The following KCNN2 variants were observed in gnomAD, a reference collection of about 807,000 sequenced individuals.
KCNN2 encodes the protein small conductance calcium-activated potassium channel protein 2.
A neutral mutation model predicts 55.5 loss-of-function variants in KCNN2; 24 were observed. The ratio of observed to expected loss-of-function variants is 0.43; its 90% CI spans 0.31 to 0.61. KCNN2 has a LOEUF of 0.61. Ranked by LOEUF, KCNN2 falls within the 20% of genes least tolerant of loss-of-function variation. The pLI is 0.08. For synonymous variants in KCNN2, 431 were observed against 336.1 expected (o/e 1.28, Z -3.09); for missense variants, 754 against 853.6 (o/e 0.88, Z 1.45).
intron 3 of KCNN2, among the ~76,000 whole-genome samples, chr5:114,428,262 A>G (rs1759686467): frequency 6.6e-6 from 1 of 152,192 alleles, no homozygotes; most frequent in Non-Finnish European, 1.5e-5. Context: ...AGAATAATGA[A>G]TGTATGTGTT....
chr5:114,425,857 C>T (rs1759607097), intron 3 of KCNN2, among the ~76,000 whole-genome samples: 1 of 151,998 alleles, frequency 6.6e-6, no homozygotes, highest in East Asian at 1.9e-4. Context: ...TGGTCAGGTC[C>T]CCACCAGCAG....
At chr5:114,158,071 C>T (rs1752678135) in intron 1 of KCNN2, among the ~76,000 whole-genome samples, 1 of 152,140 alleles carries the variant, frequency 6.6e-6, no homozygotes. Context: ...GACATGAAGT[C>T]CTTGCCCATG....
intron 4 of KCNN2, among the ~76,000 whole-genome samples, chr5:114,465,037 T>G (rs1198647408): frequency 6.6e-6 from 1 of 152,158 alleles, no homozygotes; most frequent in African/African-American, 2.4e-5. Flanking sequence ...AGAAACAACT[T>G]CCTTAGTGTT....
At chr5:114,189,570 T>TA (rs1485454799) in intron 1 of KCNN2, among the ~76,000 whole-genome samples, 4 of 152,284 alleles carry the variant, frequency 2.6e-5, no homozygotes, top group African/African-American at 9.6e-5. Flanking sequence ...AATTAACACA[T>TA]AAATACATAA....
chr5:114,323,649 A>ATTTGTTTTTTTTTTTTTTT (rs1756656082), intron 2 of KCNN2, among the ~76,000 whole-genome samples: 2 of 85,318 alleles, frequency 2.3e-5, no homozygotes, highest in Non-Finnish European at 4.5e-5. Flanking sequence ...AAACATATCA[A>ATTTGTTTTTTTTTTTTTTT]TTTTTTTTTT....
intron 2 of KCNN2, among the ~76,000 whole-genome samples, chr5:114,254,783 C>T (rs1754948929): frequency 6.6e-6 from 1 of 152,070 alleles, no homozygotes; most frequent in African/African-American, 2.4e-5. Flanking sequence ...TCTCCTGAAG[C>T]TGTAACTTAA....
chr5:114,418,884 A>G (rs930713863), intron 3 of KCNN2, among the ~76,000 whole-genome samples: 2 of 152,132 alleles, frequency 1.3e-5, no homozygotes, highest in South Asian at 4.2e-4. Context: ...ATTCCCACCA[A>G]CTGCCTCTGG....
chr5:114,399,086 AG>A (rs751520559), intron 2 of KCNN2, among the ~76,000 whole-genome samples: 2 of 152,166 alleles, frequency 1.3e-5, no homozygotes, highest in Non-Finnish European at 2.9e-5. Context: ...TGTGTTGAAT[AG>A]GAGTGGTAAG....
chr5:114,091,937 A>G (rs903102290), intron 1 of KCNN2, among the ~76,000 whole-genome samples: 4 of 152,196 alleles, frequency 2.6e-5, no homozygotes, highest in Admixed American at 2.0e-4. Context: ...GGGGACACAA[A>G]GCCTAACCAT....
At chr5:114,389,125 C>T (rs1032677134) in intron 2 of KCNN2, among the ~76,000 whole-genome samples, 5 of 151,516 alleles carry the variant, frequency 3.3e-5, no homozygotes, top group Non-Finnish European at 7.4e-5. Context: ...GTGTATGTGT[C>T]TTTCCTCTCT....
intron 2 of KCNN2, among the ~76,000 whole-genome samples, chr5:114,327,809 A>G (rs1310830058): frequency 6.6e-6 from 1 of 152,194 alleles, no homozygotes; most frequent in African/African-American, 2.4e-5. Flanking sequence ...AGGTAGTCCA[A>G]TTTAGTAAAT....
chr5:114,078,884 C>A (rs1029707254), intron 1 of KCNN2, among the ~76,000 whole-genome samples: 7 of 152,154 alleles, frequency 4.6e-5, no homozygotes, highest in South Asian at 4.1e-4. Flanking sequence ...CTGCTGATAT[C>A]ATGTGCAGAT....
intron 4 of KCNN2, among the ~76,000 whole-genome samples, chr5:114,468,088 A>T (rs569566864): frequency 1.6e-4 from 25 of 152,294 alleles, no homozygotes; most frequent in Admixed American, 3.9e-4. Context: ...TACAATGAGG[A>T]CATTTGAAAT....
intron 1 of KCNN2, among the ~76,000 whole-genome samples, chr5:114,089,363 G>A (rs1200948405): frequency 6.6e-6 from 1 of 152,150 alleles, no homozygotes; most frequent in African/African-American, 2.4e-5. Flanking sequence ...TAAGATAAAT[G>A]TTCCAGATGT....
At chr5:114,306,805 A>G (rs1250104100) in intron 2 of KCNN2, among the ~76,000 whole-genome samples, 1 of 147,816 alleles carries the variant, frequency 6.8e-6, no homozygotes, top group African/African-American at 2.5e-5. Context: ...GATTCAAGTG[A>G]CTCTTCTGCC....
intron 1 of KCNN2, among the ~76,000 whole-genome samples, chr5:114,120,341 A>T (rs1028370151): frequency 6.6e-6 from 1 of 152,116 alleles, no homozygotes; most frequent in Non-Finnish European, 1.5e-5. Context: ...CACTGGAGTG[A>T]TTACAGCTGC....
intron 2 of KCNN2, among the ~76,000 whole-genome samples, chr5:114,315,530 A>ATT (rs1383816362): frequency 6.6e-6 from 1 of 151,486 alleles, no homozygotes; most frequent in African/African-American, 2.4e-5. Context: ...TCATGTTCAT[A>ATT]TTTTATTACT....
chr5:114,408,029 A>G (rs1561612514), intron 3 of KCNN2, among the ~76,000 whole-genome samples: 1 of 152,128 alleles, frequency 6.6e-6, no homozygotes. Context: ...TCGAAACTCT[A>G]TGGTTATCCC....
chr5:114,407,830 C>G (rs189477704), intron 3 of KCNN2, among the ~76,000 whole-genome samples: 2 of 152,306 alleles, frequency 1.3e-5, no homozygotes, highest in African/African-American at 2.4e-5. Context: ...GGTATCAGTA[C>G]AGTAGCTTGC....
Sources: gnomAD v4.1 joint callset for allele counts (sites outside exome capture counted in the v4.1 genomes callset) on GRCh38, gnomAD v4.1.1 for gene constraint, MANE v1.5 for transcripts, NCBI Gene and HGNC (gene_info 2026-07-23, HGNC 2026-07-21) for gene names.